Variants in AOX1 observed in about 807,000 individuals in gnomAD.
AOX1 encodes aldehyde oxidase.
Under a neutral mutation model 169.5 loss-of-function variants are expected in AOX1, and 153 were observed. The ratio of observed to expected loss-of-function variants is 0.90; its 90% CI spans 0.79 to 1.03. The LOEUF is 1.03. AOX1 is among the 50% of genes least tolerant of loss of function. AOX1 has a pLI of 0.00. For missense variants in AOX1, 1,656 were observed against 1,663.9 expected, an observed-to-expected ratio of 1.00 and a Z score of 0.08; for synonymous variants, 562 against 581.9, an observed-to-expected ratio of 0.97 and a Z score of 0.49.
intron 18 of AOX1, among the ~76,000 whole-genome samples, 159 bp from the exon 19 acceptor site, chr2:200,623,702 G>A (rs1443940449): frequency 6.6e-6 from 1 of 152,266 alleles, no homozygotes; most frequent in East Asian, 1.9e-4. Flanking sequence ...CAGGAGGCCA[G>A]CTGTGGTTAT....
At chr2:200,623,562 A>C (rs1451528047) in intron 18 of AOX1, among the ~76,000 whole-genome samples, 2 of 152,212 alleles carry the variant, frequency 1.3e-5, no homozygotes, top group African/African-American at 4.8e-5. Context: ...ACATCAAGCC[A>C]TGGGACAGGC....
chr2:200,637,133 T>C lies in AOX1; in HGVS notation c.2480+89T>C, dbSNP rs1574942130. 6.8e-6 allele frequency: 10 copies of C among 1,478,430 alleles called. No individual in the cohort carries two copies. In the East Asian group the frequency reaches 1.7e-4, roughly 24 times the overall value. The allele number at this position is 1,478,430 out of a possible 1,614,324, so 91.6% of individuals were successfully genotyped here. A position where few individuals can be genotyped will look rare whatever the true frequency, so the allele number is the denominator to read the frequency against. ...CAATGAGGAAGAACCTGGGCCAAGA[T>C]TATTTAATATCACATATACGATACA... On this transcript the variant is annotated intron_variant, in intron 22 of 34. Coordinates refer to ENST00000374700, the MANE Select transcript of AOX1 (RefSeq NM_001159.4).
downstream of AOX1, among the ~76,000 whole-genome samples, chr2:200,677,891 C>T (rs759227838): frequency 3.3e-5 from 5 of 152,254 alleles, no homozygotes; most frequent in South Asian, 6.2e-4. Context: ...ACTCCACGTG[C>T]GGCTATGAAA....
chr2:200,669,987 A>G (rs1235443035), intron 34 of AOX1, among the ~76,000 whole-genome samples: 1 of 151,966 alleles, frequency 6.6e-6, no homozygotes, highest in Non-Finnish European at 1.5e-5. Context: ...AAGAAAGTTC[A>G]TTCCCATTAG....
chr2:200,637,494 T>C (rs762762673), intron 22 of AOX1, among the ~76,000 whole-genome samples: 1 of 152,190 alleles, frequency 6.6e-6, no homozygotes, highest in Non-Finnish European at 1.5e-5. Context: ...TGTGTATATA[T>C]GTACATTCTT....
chr2:200,625,094 C>A lies in AOX1; in HGVS notation c.2124+1111C>A, dbSNP rs527247159. 3.3e-5 allele frequency among the ~76,000 whole-genome samples: 5 copies of A among 152,226 alleles called. No individual in the cohort carries two copies. In the South Asian group the frequency reaches 1.0e-3, roughly 32 times the overall value. ...TTACATTTTAAAATAAAAATAAAAT[C>A]ATGTCAAATAGACAAAAACGTAGAA... On this transcript the variant is annotated intron_variant, in intron 19 of 34. Coordinates refer to ENST00000374700, the MANE Select transcript of AOX1 (RefSeq NM_001159.4).
At chr2:200,604,255 G>A (rs2034470873) in intron 8 of AOX1, among the ~76,000 whole-genome samples, 158 bp downstream of exon 8, 2 of 152,210 alleles carry the variant, frequency 1.3e-5, no homozygotes, top group Non-Finnish European at 2.9e-5. Context: ...TAAGGAAGAG[G>A]AGGAGGAATG....
chr2:200,634,151 G>A (rs1344361224), intron 20 of AOX1, among the ~76,000 whole-genome samples: 1 of 146,526 alleles, frequency 6.8e-6, no homozygotes, highest in Non-Finnish European at 1.5e-5. Context: ...GGGAGAGTGG[G>A]CTTTTCTTGA....
chr2:200,631,133 T>C (rs980505855), intron 20 of AOX1, among the ~76,000 whole-genome samples: 1 of 152,208 alleles, frequency 6.6e-6, no homozygotes, highest in African/African-American at 2.4e-5. Flanking sequence ...TTTGCACTTA[T>C]CTGCTGCGAA....
intron 6 of AOX1, 64 bp downstream of exon 6, chr2:200,602,409 T>C (rs2034435613): frequency 1.4e-6 from 2 of 1,436,672 alleles, no homozygotes; most frequent in Non-Finnish European, 2.0e-6. Flanking sequence ...GTAATGGTTG[T>C]CAGTGATTAG....
chr2:200,620,589 A>G (rs1246099271), intron 16 of AOX1, 61 bp from the exon 17 acceptor site: 1 of 1,372,008 alleles, frequency 7.3e-7, no homozygotes, highest in Non-Finnish European at 9.7e-7. Flanking sequence ...AATGTGCATA[A>G]TAATAATTCC....
At chr2:200,628,171 C>G (rs2035044392) in intron 20 of AOX1, among the ~76,000 whole-genome samples, 1 of 151,926 alleles carries the variant, frequency 6.6e-6, no homozygotes, top group South Asian at 2.1e-4. Context: ...CTCAGATTCC[C>G]CAATTATACA....
At chr2:200,600,478 G>A (rs1053945473) in intron 5 of AOX1, among the ~76,000 whole-genome samples, 12 of 151,440 alleles carry the variant, frequency 7.9e-5, no homozygotes, top group Non-Finnish European at 1.6e-4. Context: ...TATGTGGCGG[G>A]GGGGGACATC....
chr2:200,615,112 T>C (rs1453488245), intron 15 of AOX1, among the ~76,000 whole-genome samples: 1 of 151,912 alleles, frequency 6.6e-6, no homozygotes, highest in Non-Finnish European at 1.5e-5. Context: ...CTCAAGCAAT[T>C]CTCCCACCTC....
At chr2:200,633,445 G>T (rs545403386) in intron 20 of AOX1, among the ~76,000 whole-genome samples, 1 of 151,702 alleles carries the variant, frequency 6.6e-6, no homozygotes, top group South Asian at 2.1e-4. Context: ...CTATATTCTT[G>T]TACATTAATC....
chr2:200,661,665 A>G (rs920877316), intron 30 of AOX1, 34 bp downstream of exon 30: 7 of 1,530,034 alleles, frequency 4.6e-6, no homozygotes, highest in Non-Finnish European at 6.3e-6. Flanking sequence ...GCTATGGAGA[A>G]GAACAGTGGT....
chr2:200,660,056 C>A lies in AOX1; in HGVS notation c.3362C>A (p.Thr1121Asn), dbSNP rs771799084. 1 of 1,613,448 alleles carries A rather than the reference C, an allele frequency of 6.2e-7. No homozygotes were observed. The highest frequency in any genetic ancestry group is 8.5e-7 in the Non-Finnish European group (1 of 1,179,518). Residue 1121 changes from threonine to asparagine, a missense_variant, in exon 29 of 35, where the codon ACT becomes AAT. Transcript: ENST00000374700. ...ATCATCAGCAAGAATCCTAAAGGAA[C>A]TTGGAAAGACTGGGTGAGAATCAAT... ...EPIISKNPKG[T>N]WKDWAQTAFD...
intron 26 of AOX1, among the ~76,000 whole-genome samples, chr2:200,653,207 T>G (rs1302443323): frequency 1.3e-5 from 2 of 152,144 alleles, no homozygotes; most frequent in Non-Finnish European, 2.9e-5. Flanking sequence ...GAGAACAAAC[T>G]AGGCAACAGC....
chr2:200,667,178 C>T (rs1374290776), intron 32 of AOX1, among the ~76,000 whole-genome samples: 7 of 152,136 alleles, frequency 4.6e-5, no homozygotes, highest in African/African-American at 1.4e-4. Context: ...TGCTGGATTC[C>T]ACCCACAGAC....
Sources: allele counts gnomAD v4.1 joint callset (sites outside exome capture counted in the v4.1 genomes callset), GRCh38; gene constraint gnomAD v4.1.1; transcripts MANE v1.5; gene names NCBI Gene and HGNC (gene_info 2026-07-23, HGNC 2026-07-21).